SGCZ: variants seen among roughly 807,000 people sequenced by gnomAD.
The protein encoded by SGCZ is sarcoglycan zeta, also known as zeta-sarcoglycan.
Under a neutral mutation model 41.3 loss-of-function variants are expected in SGCZ, and 40 were observed. The ratio of observed to expected loss-of-function variants is 0.97; its 90% confidence interval spans 0.75 to 1.26. The LOEUF is 1.26. Among genes scored for constraint, SGCZ ranks in the 50% most tolerant of loss-of-function variants. The pLI, the probability that SGCZ is intolerant of heterozygous loss-of-function variation, is 0.00. For missense variants in SGCZ, 552 were observed against 369.8 expected (o/e 1.49, Z -4.04); for synonymous variants, 206 against 137.5 (o/e 1.50, Z -3.49).
At chr8:15,009,216 T>G (rs1441250449) in intron 1 of SGCZ, among the ~76,000 whole-genome samples, 1 of 62,828 alleles carries the variant, frequency 1.6e-5, no homozygotes, top group Non-Finnish European at 3.7e-5. Flanking sequence ...GGAAATTTAA[T>G]TATGGCAGAA....
chr8:15,171,522 G>T (rs1047919101), intron 1 of SGCZ, among the ~76,000 whole-genome samples: 1 of 152,176 alleles, frequency 6.6e-6, no homozygotes, highest in Non-Finnish European at 1.5e-5. Context: ...ATCACTCAAA[G>T]TCTAAAAGCT....
At chr8:14,129,388 C>T (rs1802966584) in intron 5 of SGCZ, among the ~76,000 whole-genome samples, 2 of 137,780 alleles carry the variant, frequency 1.5e-5, no homozygotes, top group South Asian at 2.5e-4. Flanking sequence ...CTCTTGTACT[C>T]ATAAATTTAT....
intron 1 of SGCZ, among the ~76,000 whole-genome samples, chr8:15,103,693 C>T (rs952405266): frequency 9.9e-5 from 15 of 151,928 alleles, no homozygotes; most frequent in Non-Finnish European, 2.2e-4. Flanking sequence ...GAATCACAAA[C>T]AGGATCAAAG....
rs1414876743 is a variant in SGCZ, at chr8:14,551,521, T to C, written c.234+3211A>G. Among the ~76,000 whole-genome samples, 5 of 5,538 alleles carry C rather than the reference T, an allele frequency of 9.0e-4. 1 individual carries two copies. The highest frequency in any genetic ancestry group is 1.4e-3 in the Non-Finnish European group (5 of 3,614). 3.6% of individuals were successfully genotyped at this position (5,538 alleles called of 152,430 possible). Reference sequence around the variant, plus strand: ...TATTATATATATTATATATATTATATATAATATATATAATATATATAATAT... The same window carrying C: ...TATTATATATATTATATATATTATACATAATATATATAATATATATAATAT... On this transcript the variant is annotated intron_variant, in intron 2 of 7. Coordinates refer to ENST00000382080, the MANE Select transcript of SGCZ (RefSeq NM_139167.4).
chr8:14,385,226 C>T (rs904755528), intron 2 of SGCZ, among the ~76,000 whole-genome samples: 1 of 152,090 alleles, frequency 6.6e-6, no homozygotes, highest in Non-Finnish European at 1.5e-5. Flanking sequence ...CAGGTGGACT[C>T]ATGAACTGGT....
At chr8:14,598,217 A>AT (rs545042944) in intron 1 of SGCZ, among the ~76,000 whole-genome samples, 7 of 151,498 alleles carry the variant, frequency 4.6e-5, no homozygotes, top group African/African-American at 1.7e-4. Context: ...CAAGTGGGGC[A>AT]TTTTTTTTCA....
intron 1 of SGCZ, among the ~76,000 whole-genome samples, chr8:14,619,945 A>G (rs531512667): frequency 1.2e-4 from 18 of 152,288 alleles, no homozygotes; most frequent in African/African-American, 4.3e-4. Context: ...ACTACTTTAA[A>G]GTTCATATGG....
At position 14,760,292 on chromosome 8, in the gene SGCZ, C is replaced by G. The variant is rs1454664372; in HGVS notation, c.40-205366G>C. ...GTAAATGAAGAAGAAAATCATTACA[C>G]AACACCGTTTTATAAATAATTCATG... On this transcript the variant is annotated intron_variant, in intron 1 of 7. Transcript: ENST00000382080. 2.0e-5 allele frequency among the ~76,000 whole-genome samples: 3 copies of G among 152,160 alleles called. No individual in the cohort carries two copies. The East Asian group carries it at 5.8e-4, about 29-fold the overall frequency.
chr8:14,842,969 C>G (rs1200829049), intron 1 of SGCZ, among the ~76,000 whole-genome samples: 4 of 152,132 alleles, frequency 2.6e-5, no homozygotes, highest in Admixed American at 2.6e-4. Context: ...TCCCAGCACT[C>G]TGGGAGGCCA....
chr8:14,763,729 A>G (rs1799956757), intron 1 of SGCZ, among the ~76,000 whole-genome samples: 3 of 152,202 alleles, frequency 2.0e-5, no homozygotes, highest in Non-Finnish European at 1.5e-5. Context: ...AATAAGTAAC[A>G]GTTTAACCAT....
At chr8:14,818,397 A>G (rs1406539034) in intron 1 of SGCZ, among the ~76,000 whole-genome samples, 3 of 152,244 alleles carry the variant, frequency 2.0e-5, no homozygotes, top group African/African-American at 7.2e-5. Context: ...GAAACTGCAC[A>G]GAGACCACAG....
chr8:14,929,366 G>C (rs1299201796), intron 1 of SGCZ, among the ~76,000 whole-genome samples: 1 of 152,100 alleles, frequency 6.6e-6, no homozygotes, highest in Non-Finnish European at 1.5e-5. Context: ...ATATGCTTTA[G>C]ATATGAGAGT....
At chr8:14,653,065 A>G (rs1807454943) in intron 1 of SGCZ, among the ~76,000 whole-genome samples, 1 of 152,126 alleles carries the variant, frequency 6.6e-6, no homozygotes, top group South Asian at 2.1e-4. Context: ...TAGAAAACAT[A>G]AAATCCTCTA....
At chr8:14,925,733 T>A (rs1344179085) in intron 1 of SGCZ, among the ~76,000 whole-genome samples, 1 of 152,214 alleles carries the variant, frequency 6.6e-6, no homozygotes, top group African/African-American at 2.4e-5. Context: ...GGGTTTGATC[T>A]GGCTTCACTT....
At chr8:14,369,309 T>A (rs570147692) in intron 2 of SGCZ, among the ~76,000 whole-genome samples, 5 of 151,998 alleles carry the variant, frequency 3.3e-5, no homozygotes, top group Non-Finnish European at 5.9e-5. Context: ...TTTTTTGTCT[T>A]CATGACCTTA....
intron 1 of SGCZ, among the ~76,000 whole-genome samples, chr8:14,625,989 G>C (rs908791929): frequency 1.3e-5 from 2 of 152,098 alleles, no homozygotes; most frequent in Non-Finnish European, 1.5e-5. Flanking sequence ...AACTCCATTT[G>C]CAAAGAAAAA....
intron 1 of SGCZ, among the ~76,000 whole-genome samples, chr8:15,149,537 C>A (rs1205563013): frequency 1.3e-5 from 2 of 152,104 alleles, no homozygotes; most frequent in Non-Finnish European, 2.9e-5. Flanking sequence ...ACTTGATATG[C>A]TCTAGCCAAC....
chr8:15,026,427 G>T (rs1436934029), intron 1 of SGCZ, among the ~76,000 whole-genome samples: 1 of 151,994 alleles, frequency 6.6e-6, no homozygotes, highest in Non-Finnish European at 1.5e-5. Flanking sequence ...TTTCCAAAAA[G>T]AAAAAGAAAA....
At chr8:15,034,132 C>T (rs917594532) in intron 1 of SGCZ, among the ~76,000 whole-genome samples, 2 of 152,088 alleles carry the variant, frequency 1.3e-5, no homozygotes, top group African/African-American at 4.8e-5. Context: ...ATGGGTTCTA[C>T]CCCAAACAGT....
Sources: gnomAD v4.1 joint callset for allele counts (sites outside exome capture counted in the v4.1 genomes callset) on GRCh38, gnomAD v4.1.1 for gene constraint, MANE v1.5 for transcripts, NCBI Gene and HGNC (gene_info 2026-07-23, HGNC 2026-07-21) for gene names.